MAD1L1: variants seen among roughly 807,000 people sequenced by gnomAD.
MAD1L1 encodes the protein mitotic arrest deficient 1 like 1.
In MAD1L1, 95 loss-of-function variants were observed where a neutral mutation model predicts 96.9. The ratio of observed to expected loss-of-function variants is 0.98; its 90% CI spans 0.83 to 1.16. MAD1L1 has a LOEUF of 1.16. Among genes scored for constraint, MAD1L1 ranks in the 50% most tolerant of loss-of-function variants. MAD1L1 has a pLI of 0.00. For synonymous variants in MAD1L1, 473 were observed against 396.6 expected (o/e 1.19, Z -2.29); for missense variants, 1,007 against 954.4 (o/e 1.06, Z -0.73).
At chr7:2,082,353 G>C (rs1212401256) in intron 11 of MAD1L1, among the ~76,000 whole-genome samples, 2 of 152,116 alleles carry the variant, frequency 1.3e-5, no homozygotes, top group Non-Finnish European at 2.9e-5. Flanking sequence ...GAGCGGGAGA[G>C]ACAGGAGGGA....
chr7:1,856,207 A>C (rs1784242663), intron 18 of MAD1L1, among the ~76,000 whole-genome samples: 2 of 152,216 alleles, frequency 1.3e-5, no homozygotes, highest in Non-Finnish European at 2.9e-5. Context: ...CGTGCCTCTG[A>C]ATAGGGACAT....
chr7:1,856,018 CGTGGG>C (rs1784233293), intron 18 of MAD1L1, among the ~76,000 whole-genome samples: 1 of 152,156 alleles, frequency 6.6e-6, no homozygotes, highest in Non-Finnish European at 1.5e-5. Flanking sequence ...GGTGCGCTCA[CGTGGG>C]GTGCGGTGAG....
intron 9 of MAD1L1, 47 bp from the exon 10 acceptor site, chr7:2,213,320 A>G: frequency 6.5e-7 from 1 of 1,532,114 alleles, no homozygotes; most frequent in South Asian, 1.1e-5. Context: ...CTGCCACAGG[A>G]TCATCACATA....
chr7:1,940,556 G>C (rs1007048164), intron 16 of MAD1L1: 3 of 152,248 alleles, frequency 2.0e-5, no homozygotes, highest in African/African-American at 7.2e-5. Context: ...GCCTCGAGGA[G>C]CCAGGGAGGA....
intron 11 of MAD1L1, among the ~76,000 whole-genome samples, chr7:2,098,155 C>CATT (rs1158482166): frequency 6.6e-6 from 1 of 152,216 alleles, no homozygotes; most frequent in African/African-American, 2.4e-5. Flanking sequence ...CACTTGGAAT[C>CATT]ACCTTGCTTT....
chr7:2,051,527 T>C (rs77130923), intron 12 of MAD1L1, among the ~76,000 whole-genome samples: 1,717 of 152,250 alleles, frequency 0.011, 29 homozygotes, highest in African/African-American at 0.04. Context: ...CAACGTGGTA[T>C]GTTAGAAACT....
rs148049197 is a variant in MAD1L1, at chr7:2,061,074, C to A, written c.1218+8120G>T. Among the ~76,000 whole-genome samples, 902 of 152,384 alleles carry A rather than the reference C, an allele frequency of 5.9e-3. 4 individuals carry two copies. The highest frequency in any genetic ancestry group is 0.017 in the Middle Eastern group (5 of 294). On this transcript the variant is annotated intron_variant, in intron 12 of 18. Coordinates refer to ENST00000265854, the MANE Select transcript of MAD1L1 (RefSeq NM_001013836.2). The stretch of plus-strand genomic sequence containing the variant: ...AAGGCCCAGGACGGATACAGTGGCT[C>A]ACGCCTGTAATCTCAACACTTTGGA...
At chr7:1,905,806 C>G (rs11767036) in intron 17 of MAD1L1, among the ~76,000 whole-genome samples, 23,124 of 152,122 alleles carry the variant, frequency 0.15, 2,183 homozygotes, top group South Asian at 0.28. Flanking sequence ...TCCCAGCACT[C>G]TGGGAGGCCA....
At chr7:1,989,769 G>T (rs1781323462) in intron 14 of MAD1L1, among the ~76,000 whole-genome samples, 1 of 152,196 alleles carries the variant, frequency 6.6e-6, no homozygotes, top group South Asian at 2.1e-4. Context: ...CCCGGCTTCG[G>T]CATGGCCCAG....
chr7:2,014,790 G>T, intron 12 of MAD1L1, 148 bp from the exon 13 acceptor site: 1 of 866,296 alleles, frequency 1.2e-6, no homozygotes, highest in Non-Finnish European at 1.7e-6. Context: ...ACCCCTGAGG[G>T]CCCACCAAAG....
chr7:1,817,386 C>A (rs1044097085), intron 18 of MAD1L1: 2 of 152,308 alleles, frequency 1.3e-5, no homozygotes, highest in East Asian at 3.9e-4. Flanking sequence ...CACGGCAACA[C>A]GATCCCATCA....
chr7:2,046,316 C>G (rs1286878334), intron 12 of MAD1L1, among the ~76,000 whole-genome samples: 2 of 152,140 alleles, frequency 1.3e-5, no homozygotes, highest in East Asian at 3.9e-4. Flanking sequence ...ATACAAGACC[C>G]CTTTCAGCCA....
intron 18 of MAD1L1, among the ~76,000 whole-genome samples, chr7:1,888,784 T>C (rs1354642441): frequency 6.6e-6 from 1 of 152,134 alleles, no homozygotes; most frequent in Non-Finnish European, 1.5e-5. Flanking sequence ...TTCATGTGTG[T>C]GTCAGCATGC....
chr7:2,096,477 G>A (rs1252696569), intron 11 of MAD1L1, among the ~76,000 whole-genome samples: 1 of 152,094 alleles, frequency 6.6e-6, no homozygotes, highest in Non-Finnish European at 1.5e-5. Flanking sequence ...CTTTTCCACA[G>A]AGCTTTGAAT....
rs142044562 is a variant in MAD1L1, at chr7:2,080,129, C to T, written c.1074-10791G>A. 7.5e-4 allele frequency: 143 copies of T among 191,850 alleles called. 1 individual carries two copies. Among genetic ancestry groups the T allele is most frequent in the Middle Eastern group, 4.3e-3 (2 of 470 alleles). 11.9% of individuals were successfully genotyped at this position (191,850 alleles called of 1,614,324 possible). On this transcript the variant is annotated intron_variant, in intron 11 of 18. Transcript: ENST00000265854. ...GGTGGGCCAGCCTCGAGGCTGGGGG[C>T]TTTCTCTGCACTGCTGCTCAGCAAA...
chr7:2,191,799 A>G (rs1345151675), intron 10 of MAD1L1, among the ~76,000 whole-genome samples: 2 of 151,592 alleles, frequency 1.3e-5, no homozygotes, highest in Non-Finnish European at 2.9e-5. Context: ...TTGGGAGACC[A>G]AGACAGGCGG....
intron 18 of MAD1L1, among the ~76,000 whole-genome samples, chr7:1,878,150 C>T (rs1335778343): frequency 1.3e-5 from 2 of 152,036 alleles, no homozygotes; most frequent in African/African-American, 4.8e-5. Flanking sequence ...CTGAGTAGTT[C>T]TATATCTATT....
rs202008887 is a variant in MAD1L1 at position 1,949,521 on chromosome 7, G to C, written c.1596+8108C>G. On this transcript the variant is annotated intron_variant, in intron 16 of 18. Coordinates refer to ENST00000265854, the MANE Select transcript of MAD1L1 (RefSeq NM_001013836.2). Reference sequence around the variant, plus strand: ...GGTCCAAACCCAGTTCCTCATGAGAGAAGCAAAGTGCTTCCCCTTCCCCAG... The same window carrying C: ...GGTCCAAACCCAGTTCCTCATGAGACAAGCAAAGTGCTTCCCCTTCCCCAG... Among the ~76,000 whole-genome samples, 9 of 152,176 alleles carry C rather than the reference G, an allele frequency of 5.9e-5. No individual in the cohort carries two copies. The East Asian group carries it at 1.7e-3, about 29-fold the overall frequency.
chr7:1,879,854 C>T (rs1785587102), intron 18 of MAD1L1, among the ~76,000 whole-genome samples: 1 of 152,112 alleles, frequency 6.6e-6, no homozygotes. Context: ...CCTCAGACTC[C>T]CCAGTAGCTG....
Sources: allele counts gnomAD v4.1 joint callset (sites outside exome capture counted in the v4.1 genomes callset), GRCh38; gene constraint gnomAD v4.1.1; transcripts MANE v1.5; gene names NCBI Gene and HGNC (gene_info 2026-07-23, HGNC 2026-07-21).